The following TBX15 variants were observed in gnomAD, a reference collection of about 807,000 sequenced individuals.
The protein encoded by TBX15 is T-box transcription factor 15.
Under a neutral mutation model 53.9 loss-of-function variants are expected in TBX15, and 18 were observed. That is an observed-to-expected ratio of 0.33 (90% CI 0.23 to 0.49). The LOEUF (loss-of-function observed/expected upper bound fraction) is 0.49, where lower values mean the gene tolerates loss of function less well. Among genes scored for constraint, TBX15 ranks in the 20% least tolerant of loss-of-function variants. The probability of loss-of-function intolerance (pLI) is 0.98; values close to 1 mark genes in which losing one functional copy is unlikely to be tolerated. For synonymous variants in TBX15, 295 were observed against 278.0 expected, an observed-to-expected ratio of 1.06 and a Z score of -0.61; for missense variants, 692 against 749.5, an observed-to-expected ratio of 0.92 and a Z score of 0.90.
At chr1:118,930,409 T>C (rs1655740129) in intron 2 of TBX15, among the ~76,000 whole-genome samples, 1 of 152,174 alleles carries the variant, frequency 6.6e-6, no homozygotes, top group Non-Finnish European at 1.5e-5. Context: ...TATTTATTTA[T>C]TTGTTTGTTT....
At chr1:118,905,693 T>C (rs1654793928) in intron 6 of TBX15, among the ~76,000 whole-genome samples, 1 of 152,152 alleles carries the variant, frequency 6.6e-6, no homozygotes, top group Non-Finnish European at 1.5e-5. Flanking sequence ...TGCAAAATTT[T>C]GGGGGGCTGG....
chr1:118,988,848 TA>T (rs569180990), upstream of TBX15, among the ~76,000 whole-genome samples: 1 of 152,222 alleles, frequency 6.6e-6, no homozygotes, highest in Non-Finnish European at 1.5e-5. Flanking sequence ...CAAATCTGGG[TA>T]AGGCAAAAGG....
intron 1 of TBX15, among the ~76,000 whole-genome samples, chr1:118,983,875 T>TC (rs978516336): frequency 2.6e-5 from 4 of 152,102 alleles, no homozygotes; most frequent in African/African-American, 4.8e-5. Flanking sequence ...AAACACATTC[T>TC]CCCCCGCTGG....
intron 6 of TBX15, among the ~76,000 whole-genome samples, chr1:118,900,257 C>T (rs1654578614): frequency 6.6e-6 from 1 of 152,158 alleles, no homozygotes; most frequent in African/African-American, 2.4e-5. Context: ...TATGGCATCC[C>T]TTCCTGAAAT....
At chr1:118,917,362 G>A (rs1350008430) in intron 5 of TBX15, among the ~76,000 whole-genome samples, 1 of 152,144 alleles carries the variant, frequency 6.6e-6, no homozygotes, top group East Asian at 1.9e-4. Flanking sequence ...AGTGGGAGCT[G>A]AATGATGAGA....
intron 6 of TBX15, among the ~76,000 whole-genome samples, chr1:118,907,394 A>G (rs533297243): frequency 1.3e-5 from 2 of 152,180 alleles, no homozygotes; most frequent in African/African-American, 4.8e-5. Context: ...ATTTTTATGT[A>G]TGTGTTTGCT....
intron 1 of TBX15, among the ~76,000 whole-genome samples, chr1:118,977,577 T>TG (rs1657477711): frequency 6.6e-6 from 1 of 152,134 alleles, no homozygotes; most frequent in Non-Finnish European, 1.5e-5. Flanking sequence ...GTGCAGAATG[T>TG]GGACATCAGA....
At chr1:118,959,886 G>A (rs748735142) in intron 1 of TBX15, among the ~76,000 whole-genome samples, 1 of 152,034 alleles carries the variant, frequency 6.6e-6, no homozygotes, top group Non-Finnish European at 1.5e-5. Context: ...AGTACCTTGG[G>A]GTGGAGTAGA....
At chr1:118,932,342 A>T (rs1469931495) in intron 1 of TBX15, among the ~76,000 whole-genome samples, 1 of 152,180 alleles carries the variant, frequency 6.6e-6, no homozygotes, top group East Asian at 1.9e-4. Context: ...TTTTTCCTCT[A>T]CTTACATAAG....
At chr1:118,923,634 T>C (rs770833571) in intron 4 of TBX15, 31 bp from the exon 5 acceptor site, 18 of 1,613,542 alleles carry the variant, frequency 1.1e-5, no homozygotes, top group Non-Finnish European at 1.5e-5. Context: ...GTACCAGGCT[T>C]GGCTTTAAGG....
intron 1 of TBX15, among the ~76,000 whole-genome samples, chr1:118,944,089 A>G (rs1176048772): frequency 1.3e-5 from 2 of 152,060 alleles, no homozygotes; most frequent in Non-Finnish European, 2.9e-5. Context: ...TATATTTACA[A>G]CTCAACAAAC....
At chr1:118,981,999 C>T (rs116585813) in intron 1 of TBX15, among the ~76,000 whole-genome samples, 1 of 152,166 alleles carries the variant, frequency 6.6e-6, no homozygotes, top group Non-Finnish European at 1.5e-5. Context: ...TGAAAAGTAT[C>T]TCAAAAGGTC....
At chr1:118,920,293 G>A (rs531071045) in intron 5 of TBX15, among the ~76,000 whole-genome samples, 2 of 152,306 alleles carry the variant, frequency 1.3e-5, no homozygotes, top group East Asian at 3.9e-4. Context: ...TCTAACTGGG[G>A]AGAGCTCATT....
intron 4 of TBX15, among the ~76,000 whole-genome samples, chr1:118,923,850 T>A (rs1025065509): frequency 6.6e-6 from 1 of 152,232 alleles, no homozygotes; most frequent in Non-Finnish European, 1.5e-5. Flanking sequence ...TTCAATTGGA[T>A]AATGCTGAAT....
chr1:118,960,183 G>A (rs1656821412), intron 1 of TBX15, among the ~76,000 whole-genome samples: 2 of 152,156 alleles, frequency 1.3e-5, no homozygotes, highest in Middle Eastern at 3.2e-3. Flanking sequence ...TTCTGCCTCT[G>A]TTTTTGGCGG....
At chr1:118,900,892 A>G in intron 6 of TBX15, among the ~76,000 whole-genome samples, 1 of 152,164 alleles carries the variant, frequency 6.6e-6, no homozygotes, top group East Asian at 1.9e-4. Flanking sequence ...CTTTAATGGC[A>G]CAGGAGGCTC....
chr1:118,987,568 G>C, intron 1 of TBX15, 23 bp downstream of exon 1: 1 of 1,536,668 alleles, frequency 6.5e-7, no homozygotes. Context: ...CCCGCCTCCC[G>C]CGGTCGGCTG....
chr1:118,930,386 G>A (rs1249924843), intron 2 of TBX15, among the ~76,000 whole-genome samples: 1 of 152,126 alleles, frequency 6.6e-6, no homozygotes, highest in African/African-American at 2.4e-5. Context: ...GAAAAGCTTA[G>A]TCCAAATGTA....
chr1:118,954,815 C>T (rs1170985193), intron 1 of TBX15, among the ~76,000 whole-genome samples: 3 of 152,226 alleles, frequency 2.0e-5, no homozygotes, highest in South Asian at 2.1e-4. Context: ...GTATCCACAA[C>T]TGATGCACAC....
Sources: allele counts gnomAD v4.1 joint callset (sites outside exome capture counted in the v4.1 genomes callset), GRCh38; gene constraint gnomAD v4.1.1; transcripts MANE v1.5; gene names NCBI Gene and HGNC (gene_info 2026-07-23, HGNC 2026-07-21).